TAF1B: variants seen among roughly 807,000 people sequenced by gnomAD.
The protein encoded by TAF1B is TATA-box binding protein associated factor, RNA polymerase I subunit B, also known as TATA box-binding protein-associated factor RNA polymerase I subunit B.
In TAF1B, 61 loss-of-function variants were observed where a neutral mutation model predicts 83.9. The observed-to-expected ratio is 0.73, with a 90% CI of 0.59 to 0.90. The LOEUF (loss-of-function observed/expected upper bound fraction) is 0.90, where lower values mean the gene tolerates loss of function less well. Among genes scored for constraint, TAF1B ranks in the 40% least tolerant of loss-of-function variants. The pLI is 0.00. For missense variants in TAF1B, 625 were observed against 677.0 expected, an observed-to-expected ratio of 0.92 and a Z score of 0.85; for synonymous variants, 221 against 224.6, an observed-to-expected ratio of 0.98 and a Z score of 0.14.
rs978631687 is a variant in TAF1B, at chr2:9,918,037, A to G, written c.1272-1004A>G. ...CAGTGAGCCGAGATCCCACCACTGC[A>G]CTCCAGCCTGGGCGACAGAGCGAGA... On this transcript the variant is annotated intron_variant, in intron 12 of 14. Coordinates refer to ENST00000263663, the MANE Select transcript of TAF1B (RefSeq NM_005680.3). Among the ~76,000 whole-genome samples, 6 of 148,970 alleles carry G rather than the reference A, an allele frequency of 4.0e-5. No homozygotes were observed. The East Asian group carries it at 8.0e-4, about 20-fold the overall frequency.
intron 8 of TAF1B, among the ~76,000 whole-genome samples, chr2:9,891,000 G>A (rs56258032): frequency 0.28 from 42,455 of 151,996 alleles, 6,915 homozygotes; most frequent in Middle Eastern, 0.4. Flanking sequence ...TCGAACTCCC[G>A]ACCTCAGGTG....
At chr2:9,931,438 G>C (rs1225722738) in intron 14 of TAF1B, among the ~76,000 whole-genome samples, 1 of 152,064 alleles carries the variant, frequency 6.6e-6, no homozygotes, top group African/African-American at 2.4e-5. Flanking sequence ...GCTTAGTTTG[G>C]CTGGATATGA....
At chr2:9,866,493 G>A (rs993794065) in intron 5 of TAF1B, among the ~76,000 whole-genome samples, 10 of 152,130 alleles carry the variant, frequency 6.6e-5, no homozygotes, top group Admixed American at 1.3e-4. Flanking sequence ...TGGTGGGACT[G>A]TAAACTAGTT....
chr2:9,926,634 T>G (rs917280247), intron 14 of TAF1B, among the ~76,000 whole-genome samples: 1 of 151,636 alleles, frequency 6.6e-6, no homozygotes, highest in African/African-American at 2.4e-5. Context: ...AGGTCAGGAG[T>G]TCGAGACCAG....
chr2:9,910,311 A>G (rs1665482836), intron 9 of TAF1B, among the ~76,000 whole-genome samples: 2 of 152,190 alleles, frequency 1.3e-5, no homozygotes, highest in Admixed American at 1.3e-4. Flanking sequence ...TAGGAAAGCA[A>G]TATATCTAGT....
At chr2:9,918,083 A>G (rs542554393) in intron 12 of TAF1B, among the ~76,000 whole-genome samples, 120 of 151,572 alleles carry the variant, frequency 7.9e-4, no homozygotes, top group African/African-American at 2.8e-3. Context: ...AAAAAAAAAA[A>G]AGAAAATGGT....
intron 8 of TAF1B, among the ~76,000 whole-genome samples, chr2:9,885,162 A>G (rs919578240): frequency 3.3e-5 from 5 of 152,244 alleles, no homozygotes; most frequent in African/African-American, 9.6e-5. Flanking sequence ...TGATACAGTG[A>G]GTAAAAAGCC....
chr2:9,903,359 A>G (rs987268488), intron 8 of TAF1B, among the ~76,000 whole-genome samples: 2 of 152,174 alleles, frequency 1.3e-5, no homozygotes, highest in East Asian at 3.8e-4. Context: ...TGCTGGGATT[A>G]CAGGTGTGGG....
intron 8 of TAF1B, among the ~76,000 whole-genome samples, chr2:9,888,089 A>G (rs1664734669): frequency 1.3e-5 from 2 of 152,144 alleles, no homozygotes; most frequent in Non-Finnish European, 2.9e-5. Context: ...ATTTTTTAAT[A>G]ATTTCATTTT....
At chr2:9,891,613 C>T (rs185682045) in intron 8 of TAF1B, among the ~76,000 whole-genome samples, 5 of 152,102 alleles carry the variant, frequency 3.3e-5, no homozygotes, top group African/African-American at 9.6e-5. Flanking sequence ...AGGCAGGTTC[C>T]GTAGGAGATA....
rs1665300034 is a variant in TAF1B at position 9,905,004 on chromosome 2, C to A, written c.953C>A (p.Pro318His). Reference protein sequence around the residue: ...CMKYLMEVNLPDEMHSLTCHV... With the variant: ...CMKYLMEVNLHDEMHSLTCHV... Reference sequence around the variant, plus strand: ...AAATACTTGATGGAAGTCAACCTCCCTGGTAAGTGTGTGACATATATTGTG... The same window carrying A: ...AAATACTTGATGGAAGTCAACCTCCATGGTAAGTGTGTGACATATATTGTG... The change falls in exon 9 of 15, where the codon CCT (proline) becomes CAT (histidine). Residue 318 changes from proline to histidine, a missense_variant and splice_region_variant. Physicochemically the swap from Pro to His is moderately conservative, Grantham distance 77. Coordinates refer to ENST00000263663, the MANE Select transcript of TAF1B (RefSeq NM_005680.3). The A allele has an allele frequency of 5.0e-6, 8 of 1,611,506 alleles. No homozygotes were observed. The highest frequency in any genetic ancestry group is 6.8e-6 in the Non-Finnish European group (8 of 1,177,974).
intron 6 of TAF1B, among the ~76,000 whole-genome samples, chr2:9,869,997 A>T (rs1440744512): frequency 5.9e-5 from 9 of 152,244 alleles, no homozygotes; most frequent in Non-Finnish European, 1.2e-4. Flanking sequence ...ATTGTAGATC[A>T]TTCCAGAAAG....
chr2:9,885,768 C>T (rs1357917123), intron 8 of TAF1B, among the ~76,000 whole-genome samples: 2 of 150,302 alleles, frequency 1.3e-5, no homozygotes, highest in Non-Finnish European at 2.9e-5. Flanking sequence ...GTCCTTCTCT[C>T]CCTTAATCTC....
intron 8 of TAF1B, among the ~76,000 whole-genome samples, chr2:9,900,722 G>A (rs186367683): frequency 6.6e-6 from 1 of 152,224 alleles, no homozygotes; most frequent in East Asian, 1.9e-4. Context: ...GGAATGGAAT[G>A]AATGTGGTGT....
chr2:9,843,464 C>A, upstream of TAF1B: 1 of 1,281,610 alleles, frequency 7.8e-7, no homozygotes, highest in South Asian at 1.3e-5. Flanking sequence ...CGGCCGGAAG[C>A]TTCTCCAGCC....
intron 5 of TAF1B, among the ~76,000 whole-genome samples, chr2:9,857,085 G>A (rs539641147): frequency 3.3e-5 from 5 of 152,284 alleles, no homozygotes; most frequent in African/African-American, 1.2e-4. Flanking sequence ...GGGGAAGGGT[G>A]CTATTTAATA....
chr2:9,866,063 A>C (rs2125144750), intron 5 of TAF1B, among the ~76,000 whole-genome samples: 1 of 151,704 alleles, frequency 6.6e-6, no homozygotes, highest in South Asian at 2.1e-4. Context: ...AAGCAATGGC[A>C]ACAAAAGCCA....
chr2:9,928,685 C>T (rs903016268), intron 14 of TAF1B, among the ~76,000 whole-genome samples: 6 of 152,170 alleles, frequency 3.9e-5, no homozygotes, highest in African/African-American at 1.4e-4. Context: ...TAAAGGAATG[C>T]TTGTGATTTT....
At chr2:9,846,058 A>G (rs1407829403) in intron 2 of TAF1B, 1 of 471,102 alleles carries the variant, frequency 2.1e-6, no homozygotes. Context: ...TTTGTATAGT[A>G]CCTTACAGAT....
Sources: allele counts gnomAD v4.1 joint callset (sites outside exome capture counted in the v4.1 genomes callset), GRCh38; gene constraint gnomAD v4.1.1; transcripts MANE v1.5; gene names NCBI Gene and HGNC (gene_info 2026-07-23, HGNC 2026-07-21).